Variants in EXOC6 observed in about 807,000 individuals in gnomAD.
EXOC6 encodes the protein exocyst complex component 6.
EXOC6 carries 60 observed loss-of-function variants against 112.5 expected under a neutral mutation model. The observed-to-expected ratio is 0.53, with a 90% CI of 0.43 to 0.66. The LOEUF (loss-of-function observed/expected upper bound fraction) is 0.66. EXOC6 is among the 30% of genes least tolerant of loss of function. The pLI is 0.00. For missense variants in EXOC6, 855 were observed against 957.1 expected, an observed-to-expected ratio of 0.89 and a Z score of 1.41; for synonymous variants, 295 against 308.0, an observed-to-expected ratio of 0.96 and a Z score of 0.44.
intron 1 of EXOC6, among the ~76,000 whole-genome samples, chr10:92,883,806 A>G (rs1213019500): frequency 6.6e-6 from 1 of 152,244 alleles, no homozygotes; most frequent in African/African-American, 2.4e-5. Context: ...ATAAAATGAC[A>G]TTAAAAAGCA....
chr10:92,830,097 C>G (rs1401420159), upstream of EXOC6, among the ~76,000 whole-genome samples: 1 of 152,220 alleles, frequency 6.6e-6, no homozygotes, highest in Admixed American at 6.5e-5. Context: ...ACTGCTCTGC[C>G]TATGGAGTAG....
At chr10:93,022,526 C>G (rs1038382547) in intron 20 of EXOC6, among the ~76,000 whole-genome samples, 1 of 152,026 alleles carries the variant, frequency 6.6e-6, no homozygotes, top group African/African-American at 2.4e-5. Context: ...TCTTGGACTT[C>G]TGTATTCCAA....
chr10:92,993,698 G>A (rs1453644014), intron 18 of EXOC6, among the ~76,000 whole-genome samples: 1 of 152,140 alleles, frequency 6.6e-6, no homozygotes, highest in Non-Finnish European at 1.5e-5. Flanking sequence ...GAAACAGAGT[G>A]TCTTTAGCCT....
At chr10:92,975,338 C>G (rs551422528) in intron 18 of EXOC6, among the ~76,000 whole-genome samples, 1 of 151,460 alleles carries the variant, frequency 6.6e-6, no homozygotes, top group Non-Finnish European at 1.5e-5. Flanking sequence ...GGCAACCGCC[C>G]GGTCTGAGAA....
intron 1 of EXOC6, among the ~76,000 whole-genome samples, chr10:92,886,458 C>A (rs1849223080): frequency 6.6e-6 from 1 of 152,148 alleles, no homozygotes; most frequent in Non-Finnish European, 1.5e-5. Flanking sequence ...TCAGGGATTC[C>A]CTATTGAGTC....
At chr10:92,831,558 C>A (rs545257378), upstream of EXOC6, among the ~76,000 whole-genome samples, 3 of 151,954 alleles carry the variant, frequency 2.0e-5, no homozygotes, top group Admixed American at 1.3e-4. Flanking sequence ...CTCAGCCTCC[C>A]GAATAGCTGG....
chr10:92,960,379 GCA>G (rs1853919370), intron 17 of EXOC6, among the ~76,000 whole-genome samples: 1 of 152,128 alleles, frequency 6.6e-6, no homozygotes, highest in African/African-American at 2.4e-5. Flanking sequence ...ACTAAGTGAA[GCA>G]CAGAGGATGT....
intron 1 of EXOC6, among the ~76,000 whole-genome samples, chr10:92,882,625 T>G (rs1234899600): frequency 1.3e-5 from 2 of 152,108 alleles, no homozygotes; most frequent in Admixed American, 6.6e-5. Flanking sequence ...ATCATGTGGC[T>G]TTATGAAAAA....
chr10:92,867,930 A>G lies in EXOC6; in HGVS notation c.101+19296A>G, dbSNP rs148289713. ...AAATAGCCAAAAGACAGTGAAAGGC[A>G]CAGATAACCCCAAAATATGCTAGAT... On this transcript the variant is annotated intron_variant, in intron 1 of 21. Coordinates refer to ENST00000260762, the MANE Select transcript of EXOC6 (RefSeq NM_019053.6). Among the ~76,000 whole-genome samples the G allele has an allele frequency of 1.1e-4, 16 of 152,330 alleles. No individual in the cohort carries two copies. The East Asian group carries it at 3.1e-3, about 29-fold the overall frequency.
intron 20 of EXOC6, among the ~76,000 whole-genome samples, chr10:93,022,753 G>A (rs999661782): frequency 6.6e-6 from 1 of 151,870 alleles, no homozygotes; most frequent in Non-Finnish European, 1.5e-5. Context: ...AATAAAACTG[G>A]TCTTGAAAAG....
chr10:92,929,311 A>G (rs1053433715), intron 9 of EXOC6, among the ~76,000 whole-genome samples: 1 of 152,204 alleles, frequency 6.6e-6, no homozygotes, highest in Non-Finnish European at 1.5e-5. Context: ...GTTTGTTACC[A>G]CTTGTGTTTG....
At chr10:92,941,764 T>C (rs541448534) in intron 13 of EXOC6, among the ~76,000 whole-genome samples, 4 of 152,234 alleles carry the variant, frequency 2.6e-5, no homozygotes, top group Non-Finnish European at 5.9e-5. Context: ...TAACCACTTA[T>C]CTGCAGGCCA....
intron 20 of EXOC6, among the ~76,000 whole-genome samples, chr10:93,017,480 T>C (rs919346726): frequency 6.6e-6 from 1 of 151,968 alleles, no homozygotes; most frequent in African/African-American, 2.4e-5. Flanking sequence ...TCCCAGCTAC[T>C]TGGGGGGCTG....
chr10:92,940,747 C>G lies in EXOC6; in HGVS notation c.1233C>G (p.Asn411Lys), dbSNP rs1304037931. 6.3e-7 allele frequency: 1 copy of G among 1,596,916 alleles called. No homozygotes were observed. Among genetic ancestry groups the G allele is most frequent in the African/African-American group, 1.4e-5 (1 of 72,708 alleles). ...DTLQGYGFPVNRLFDLLFEIR... is the reference protein window; with the variant it reads ...DTLQGYGFPVKRLFDLLFEIR... The stretch of plus-strand genomic sequence containing the variant: ...TTTAGGGTTATGGTTTTCCAGTGAA[C>G]CGACTTTTTGACCTTTTATTTGAAA... The change falls in exon 13 of 22, where the codon AAC (asparagine) becomes AAG (lysine). Residue 411 changes from asparagine (N) to lysine (K), a missense_variant. By Grantham distance (94) the Asn-to-Lys change is moderately conservative. Coordinates refer to ENST00000260762, the MANE Select transcript of EXOC6 (RefSeq NM_019053.6).
At chr10:93,042,947 T>G (rs1177986338) in intron 20 of EXOC6, among the ~76,000 whole-genome samples, 1 of 144,230 alleles carries the variant, frequency 6.9e-6, no homozygotes, top group Non-Finnish European at 1.5e-5. Context: ...ATTATTATTA[T>G]TATTATTATT....
At chr10:92,920,440 T>A (rs1851363732) in intron 8 of EXOC6, among the ~76,000 whole-genome samples, 1 of 152,200 alleles carries the variant, frequency 6.6e-6, no homozygotes, top group South Asian at 2.1e-4. Context: ...CTTACCCTTT[T>A]AGAGTATACA....
chr10:93,041,368 A>G (rs973924099), intron 20 of EXOC6, among the ~76,000 whole-genome samples: 6 of 152,130 alleles, frequency 3.9e-5, no homozygotes, highest in African/African-American at 1.4e-4. Flanking sequence ...GAATCTGACC[A>G]TGTCAGCTCC....
At chr10:92,861,082 C>T (rs1182988076) in intron 1 of EXOC6, among the ~76,000 whole-genome samples, 1 of 152,202 alleles carries the variant, frequency 6.6e-6, no homozygotes, top group East Asian at 1.9e-4. Context: ...AGCTACCAAC[C>T]TCCTTTCAAT....
intron 20 of EXOC6, among the ~76,000 whole-genome samples, chr10:93,044,405 G>A (rs888635696): frequency 6.6e-6 from 1 of 152,132 alleles, no homozygotes. Flanking sequence ...TGAAAGAAAT[G>A]AGTAAGGTTA....
Sources: allele counts gnomAD v4.1 joint callset (sites outside exome capture counted in the v4.1 genomes callset), GRCh38; gene constraint gnomAD v4.1.1; transcripts MANE v1.5; gene names NCBI Gene and HGNC (gene_info 2026-07-23, HGNC 2026-07-21).